ADARB2: variants seen among roughly 807,000 people sequenced by gnomAD.
The protein encoded by ADARB2 is adenosine deaminase RNA specific B2 (inactive), also known as inactive double-stranded RNA-specific editase B2.
A neutral mutation model predicts 62.2 loss-of-function variants in ADARB2; 25 were observed. The ratio of observed to expected loss-of-function variants is 0.40; its 90% CI spans 0.29 to 0.56. The LOEUF is 0.56. Among genes scored for constraint, ADARB2 ranks in the 20% least tolerant of loss-of-function variants. The pLI is 0.43. For synonymous variants in ADARB2, 572 were observed against 500.8 expected (o/e 1.14, Z -1.90); for missense variants, 1,071 against 1,077.4 (o/e 0.99, Z 0.08).
chr10:1,331,689 A>G (rs935952988), intron 3 of ADARB2, among the ~76,000 whole-genome samples: 1 of 152,152 alleles, frequency 6.6e-6, no homozygotes, highest in Non-Finnish European at 1.5e-5. Flanking sequence ...TATAGTAAAG[A>G]CCTTTGAATT....
chr10:1,624,596 C>T (rs1186428411), intron 1 of ADARB2, among the ~76,000 whole-genome samples: 1 of 152,150 alleles, frequency 6.6e-6, no homozygotes, highest in Admixed American at 6.5e-5. Context: ...GACAATTTCC[C>T]ACCTCTGAAA....
At chr10:1,650,504 A>AG (rs35436982) in intron 1 of ADARB2, among the ~76,000 whole-genome samples, 71,394 of 151,950 alleles carry the variant, frequency 0.47, 16,995 homozygotes, top group South Asian at 0.53. Context: ...ACCACAGCGC[A>AG]GGGAAACGCA....
chr10:1,526,852 A>T (rs1437820985), intron 1 of ADARB2: 1 of 515,076 alleles, frequency 1.9e-6, no homozygotes, highest in East Asian at 5.8e-5. Flanking sequence ...GAGCGGGCAC[A>T]GGCAGCCACT....
chr10:1,196,308 C>G (rs1836911508), intron 8 of ADARB2, among the ~76,000 whole-genome samples: 1 of 138,698 alleles, frequency 7.2e-6, no homozygotes, highest in South Asian at 2.2e-4. Context: ...CTATTTTGTT[C>G]ACTGCTCTAT....
In ADARB2 at chr10:1,595,923, G is replaced by A. The variant is rs1012821052; in HGVS notation, c.100+141128C>T. 2.0e-5 allele frequency among the ~76,000 whole-genome samples: 3 copies of A among 152,198 alleles called. No homozygotes were observed. In the East Asian group the frequency reaches 5.8e-4, roughly 29 times the overall value. Reference sequence around the variant, plus strand: ...GTAAATGTGCTGTGTTCCACAGCCCGCTGGCCTCGCTCATGCCTTCTGCAC... The same window carrying A: ...GTAAATGTGCTGTGTTCCACAGCCCACTGGCCTCGCTCATGCCTTCTGCAC... On this transcript the variant is annotated intron_variant, in intron 1 of 9. Coordinates refer to ENST00000381312, the MANE Select transcript of ADARB2 (RefSeq NM_018702.4).
intron 3 of ADARB2, among the ~76,000 whole-genome samples, chr10:1,339,697 A>G (rs1396123863): frequency 6.6e-6 from 1 of 152,188 alleles, no homozygotes; most frequent in East Asian, 1.9e-4. Context: ...CTGCAGAGGG[A>G]GCGGGTGTGG....
At chr10:1,566,664 T>C (rs951242509) in intron 1 of ADARB2, among the ~76,000 whole-genome samples, 11 of 152,258 alleles carry the variant, frequency 7.2e-5, no homozygotes, top group African/African-American at 2.4e-4. Flanking sequence ...AAAATTTGTG[T>C]CACTTTGTTA....
At chr10:1,508,222 C>T (rs72764942) in intron 1 of ADARB2, among the ~76,000 whole-genome samples, 23,533 of 152,130 alleles carry the variant, frequency 0.15, 2,210 homozygotes, top group Middle Eastern at 0.23. Context: ...TCACTGTCAC[C>T]GACCTCCATC....
intron 6 of ADARB2, among the ~76,000 whole-genome samples, chr10:1,228,489 TG>T (rs1564227695): frequency 6.6e-6 from 1 of 152,212 alleles, no homozygotes; most frequent in Non-Finnish European, 1.5e-5. Flanking sequence ...GAGTCTGTGC[TG>T]ACAGCAGTCA....
At chr10:1,369,331 A>G (rs12764264) in intron 2 of ADARB2, among the ~76,000 whole-genome samples, 40,712 of 152,068 alleles carry the variant, frequency 0.27, 6,422 homozygotes, top group Non-Finnish European at 0.35. Flanking sequence ...GGTGGGTCTT[A>G]GATCCGAATT....
intron 1 of ADARB2, among the ~76,000 whole-genome samples, chr10:1,660,043 C>T (rs1328307527): frequency 2.0e-5 from 3 of 152,214 alleles, no homozygotes; most frequent in African/African-American, 4.8e-5. Context: ...TCTCCACCCT[C>T]TTCCTCCATT....
chr10:1,289,405 A>G (rs1831443697), intron 3 of ADARB2, among the ~76,000 whole-genome samples: 2 of 152,178 alleles, frequency 1.3e-5, no homozygotes, highest in East Asian at 1.9e-4. Flanking sequence ...CCTCGGCAAA[A>G]TAAACTTTCT....
intron 1 of ADARB2, among the ~76,000 whole-genome samples, chr10:1,608,077 A>C (rs1833516228): frequency 6.6e-6 from 1 of 152,208 alleles, no homozygotes; most frequent in Non-Finnish European, 1.5e-5. Context: ...AGAAGGGTAA[A>C]ACACAACTTC....
At chr10:1,318,616 G>GT (rs979205515) in intron 3 of ADARB2, among the ~76,000 whole-genome samples, 2 of 22,972 alleles carry the variant, frequency 8.7e-5, no homozygotes, top group Non-Finnish European at 2.0e-4. Flanking sequence ...TCGTGTACAA[G>GT]TGGGGCAACA....
intron 8 of ADARB2, among the ~76,000 whole-genome samples, chr10:1,199,036 A>G (rs1463587872): frequency 2.6e-5 from 4 of 152,262 alleles, no homozygotes; most frequent in Admixed American, 1.3e-4. Context: ...CCACTTGGCA[A>G]ACAGGTGAAA....
At chr10:1,658,028 G>GTGTGTC (rs1187344172) in intron 1 of ADARB2, among the ~76,000 whole-genome samples, 1 of 131,576 alleles carries the variant, frequency 7.6e-6, no homozygotes, top group Non-Finnish European at 1.7e-5. Context: ...CTGATCCTGT[G>GTGTGTC]TGTGTCTGTG....
At chr10:1,273,933 C>T (rs185437875) in intron 3 of ADARB2, among the ~76,000 whole-genome samples, 17 of 152,318 alleles carry the variant, frequency 1.1e-4, no homozygotes, top group Admixed American at 2.0e-4. Flanking sequence ...CGTGGGTTGC[C>T]AGCAGGTCTG....
At chr10:1,706,885 G>A (rs1364325490) in intron 1 of ADARB2, among the ~76,000 whole-genome samples, 1 of 152,228 alleles carries the variant, frequency 6.6e-6, no homozygotes, top group Non-Finnish European at 1.5e-5. Flanking sequence ...GTGGTGAACG[G>A]CAGGAAGTGG....
chr10:1,254,097 TTAGGATGCAGTTGA>T (rs1390655486), intron 4 of ADARB2, among the ~76,000 whole-genome samples: 30 of 150,674 alleles, frequency 2.0e-4, no homozygotes, highest in African/African-American at 6.4e-4. Flanking sequence ...CGGTCTCTGG[TTAGGATGCAGTTGA>T]CTCTGGTTAG....
Sources: gnomAD v4.1 joint callset for allele counts (sites outside exome capture counted in the v4.1 genomes callset) on GRCh38, gnomAD v4.1.1 for gene constraint, MANE v1.5 for transcripts, NCBI Gene and HGNC (gene_info 2026-07-23, HGNC 2026-07-21) for gene names.